PIEZO2: variants seen among roughly 807,000 people sequenced by gnomAD.
PIEZO2 encodes piezo type mechanosensitive ion channel component 2, also known as piezo-type mechanosensitive ion channel component 2.
In PIEZO2, 172 loss-of-function variants were observed where a neutral mutation model predicts 337.3. The observed-to-expected ratio is 0.51, with a 90% CI of 0.45 to 0.58. The LOEUF (loss-of-function observed/expected upper bound fraction) is 0.58, where lower values mean the gene tolerates loss of function less well. Ranked by LOEUF, PIEZO2 falls within the 20% of genes least tolerant of loss-of-function variation. PIEZO2 has a pLI of 0.00. For synonymous variants in PIEZO2, 1,251 were observed against 1,228.5 expected (o/e 1.02, Z -0.38); for missense variants, 3,028 against 3,391.3 (o/e 0.89, Z 2.66).
chr18:10,767,105 TCACTGACC>T lies in PIEZO2; in HGVS notation c.2946+3035_2946+3042del. Among the ~76,000 whole-genome samples the T allele has an allele frequency of 6.7e-6, 1 of 149,188 alleles. No homozygotes were observed. The highest frequency in any genetic ancestry group is 2.5e-5 in the African/African-American group (1 of 40,548). ...AGAAAGTGTGGCTCTTGCTCAAGAC[TCACTGACC>T]TCACAGAGCTGTCCAATAGCCTTCG... On this transcript the variant is annotated intron_variant, in intron 21 of 55. Transcript: ENST00000674853. This position sits in a 1 kb window ranked among gnomAD's most constrained non-coding sequence, Gnocchi z 4.2.
chr18:10,688,058 A>G (rs542308202), intron 49 of PIEZO2, among the ~76,000 whole-genome samples: 1 of 152,342 alleles, frequency 6.6e-6, no homozygotes, highest in East Asian at 1.9e-4. Context: ...TTACATAGGT[A>G]TACATGTGCC....
At position 11,031,603 on chromosome 18, in the gene PIEZO2, C is replaced by T. The variant is rs1436696768; in HGVS notation, c.160+34524G>A. The stretch of plus-strand genomic sequence containing the variant: ...TTTATAATTACCCAGGGGTAATATT[C>T]AATATATTTAACCACGAGTCTAACA... On this transcript the variant is annotated intron_variant, in intron 2 of 55. Coordinates refer to ENST00000674853, the MANE Select transcript of PIEZO2 (RefSeq NM_001378183.1). This position sits in a 1 kb window ranked among gnomAD's most constrained non-coding sequence, Gnocchi z 4.7. Among the ~76,000 whole-genome samples, 1 of 152,024 alleles carries T rather than the reference C, an allele frequency of 6.6e-6. No homozygotes were observed. Among genetic ancestry groups the T allele is most frequent in the African/African-American group, 2.4e-5 (1 of 41,380 alleles).
chr18:10,791,915 GA>G (rs2039422579), intron 13 of PIEZO2, among the ~76,000 whole-genome samples: 1 of 152,120 alleles, frequency 6.6e-6, no homozygotes, highest in Non-Finnish European at 1.5e-5. Context: ...TATTGTTTAG[GA>G]AATACAGTAC....
rs190394905 is a variant in PIEZO2 at position 11,084,607 on chromosome 18, T to C, written c.65-18385A>G. Among the ~76,000 whole-genome samples, 566 of 152,246 alleles carry C rather than the reference T, an allele frequency of 3.7e-3. 1 individual carries two copies. The highest frequency in any genetic ancestry group is 6.0e-3 in the Non-Finnish European group (408 of 68,018). On this transcript the variant is annotated intron_variant, in intron 1 of 55. Coordinates refer to ENST00000674853, the MANE Select transcript of PIEZO2 (RefSeq NM_001378183.1). The stretch of plus-strand genomic sequence containing the variant: ...GAGTTGGCTTGAGTGTGGATCCCTA[T>C]GTGATTTGATTTGATTTACCCTTAG...
chr18:11,134,504 C>G (rs1193696245), intron 1 of PIEZO2, among the ~76,000 whole-genome samples: 1 of 152,144 alleles, frequency 6.6e-6, no homozygotes, highest in African/African-American at 2.4e-5. Flanking sequence ...GATTTCTGGT[C>G]TTCTAAAAAG....
rs2039267990 is a variant in PIEZO2, at chr18:11,096,538, G to A, written c.65-30316C>T. Among the ~76,000 whole-genome samples the A allele has an allele frequency of 6.6e-6, 1 of 152,128 alleles. No individual in the cohort carries two copies. The highest frequency in any genetic ancestry group is 2.4e-5 in the African/African-American group (1 of 41,412). ...AATGACGCTTTACTAAGCATTCTCTGTGGCCATTCCCAGTTCTTTTCTGCA... is the reference window on the plus strand; with the variant it reads ...AATGACGCTTTACTAAGCATTCTCTATGGCCATTCCCAGTTCTTTTCTGCA... On this transcript the variant is annotated intron_variant, in intron 1 of 55. Transcript: ENST00000674853. The surrounding 1 kb of genome is among the most constrained non-coding windows in gnomAD (Gnocchi z 4.6).
At chr18:10,684,089 CTTCCTTCTTTCTCTCTCTCTTTCTTTCT>C (rs1174043782) in intron 49 of PIEZO2, among the ~76,000 whole-genome samples, 64 of 51,396 alleles carry the variant, frequency 1.2e-3, no homozygotes, top group African/African-American at 1.7e-3. Context: ...TCCTTCCTTC[CTTCCTTCTTTCTCTCTCTCTTTCTTTCT>C]TTCTTTCTCT....
At chr18:10,721,614 A>T (rs1310489795) in intron 36 of PIEZO2, among the ~76,000 whole-genome samples, 2 of 152,218 alleles carry the variant, frequency 1.3e-5, no homozygotes, top group Non-Finnish European at 2.9e-5. Context: ...TTGCCTCACT[A>T]AAAATTAAAA....
At position 11,116,727 on chromosome 18, in the gene PIEZO2, GAA is replaced by G. The variant is rs553057306; in HGVS notation, c.64+31796_64+31797del. Among the ~76,000 whole-genome samples, 5 of 144,444 alleles carry G rather than the reference GAA, an allele frequency of 3.5e-5. No individual in the cohort carries two copies. The highest frequency in any genetic ancestry group is 1.3e-4 in the African/African-American group (5 of 39,696). The allele number at this position is 144,444 out of a possible 152,430, so 94.8% of individuals were successfully genotyped here. ...GAGACTCCGTCTCAAAAAAAACAAA[GAA>G]AAAAAAAAATCATTCCATTTATCTA... On this transcript the variant is annotated intron_variant, in intron 1 of 55. Coordinates refer to ENST00000674853, the MANE Select transcript of PIEZO2 (RefSeq NM_001378183.1). This position sits in a 1 kb window ranked among gnomAD's most constrained non-coding sequence, Gnocchi z 5.0.
chr18:10,868,835 T>C (rs2042069777), intron 5 of PIEZO2, among the ~76,000 whole-genome samples: 1 of 152,236 alleles, frequency 6.6e-6, no homozygotes, highest in Non-Finnish European at 1.5e-5. Flanking sequence ...CAGCCGTGGC[T>C]TTTTATTGAT....
chr18:11,085,945 T>G (rs2146009401), intron 1 of PIEZO2, among the ~76,000 whole-genome samples: 1 of 152,106 alleles, frequency 6.6e-6, no homozygotes, highest in African/African-American at 2.4e-5. Context: ...ATCTGAAGCC[T>G]GTGTACTACC....
chr18:10,992,038 G>A (rs182617566), intron 2 of PIEZO2, among the ~76,000 whole-genome samples: 53 of 152,234 alleles, frequency 3.5e-4, no homozygotes, highest in African/African-American at 1.2e-3. Context: ...CTTTCTAGAC[G>A]TGTCTGTTCA....
intron 3 of PIEZO2, among the ~76,000 whole-genome samples, chr18:10,932,222 C>A (rs1418433698): frequency 6.6e-6 from 1 of 151,856 alleles, no homozygotes; most frequent in African/African-American, 2.4e-5. Flanking sequence ...ATGACAAAAC[C>A]CCACCTTTAC....
intron 3 of PIEZO2, among the ~76,000 whole-genome samples, chr18:10,972,527 T>C (rs2034282588): frequency 6.6e-6 from 1 of 152,168 alleles, no homozygotes; most frequent in East Asian, 1.9e-4. Flanking sequence ...GAAGAAAAAC[T>C]CAGGGTCACT....
chr18:10,816,614 A>C (rs1345734608), intron 7 of PIEZO2, among the ~76,000 whole-genome samples: 1 of 152,188 alleles, frequency 6.6e-6, no homozygotes. Flanking sequence ...ATACCCAATA[A>C]AAATCTATAG....
intron 8 of PIEZO2, among the ~76,000 whole-genome samples, chr18:10,806,729 A>C (rs1159380441): frequency 6.6e-6 from 1 of 152,168 alleles, no homozygotes; most frequent in Non-Finnish European, 1.5e-5. Flanking sequence ...ATTTTAGAAA[A>C]ACTGACATCT....
chr18:10,804,117 T>C (rs1039983296), intron 8 of PIEZO2, 123 bp from the exon 9 acceptor site: 5 of 1,170,694 alleles, frequency 4.3e-6, no homozygotes, highest in Non-Finnish European at 5.8e-6. Flanking sequence ...ATGTTTACAA[T>C]ATACAGGATT....
chr18:10,995,083 A>AAAAAAAAAAAG (rs2035268114), intron 2 of PIEZO2, among the ~76,000 whole-genome samples: 2 of 59,880 alleles, frequency 3.3e-5, no homozygotes, highest in Admixed American at 1.6e-4. Context: ...GTCTCAAAAA[A>AAAAAAAAAAAG]AAAAAAAAAA....
intron 18 of PIEZO2, among the ~76,000 whole-genome samples, chr18:10,778,038 T>C (rs1304389349): frequency 6.6e-6 from 1 of 152,198 alleles, no homozygotes; most frequent in Non-Finnish European, 1.5e-5. Context: ...TACCCTACCT[T>C]ACAACTTGTA....
Sources: allele counts gnomAD v4.1 joint callset (sites outside exome capture counted in the v4.1 genomes callset), GRCh38; gene constraint gnomAD v4.1.1; non-coding constraint Gnocchi (gnomAD v3.1); transcripts MANE v1.5; gene names NCBI Gene and HGNC (gene_info 2026-07-23, HGNC 2026-07-21).